IQGAP1: variants seen among roughly 807,000 people sequenced by gnomAD.
IQGAP1 encodes the protein ras GTPase-activating-like protein IQGAP1.
Under a neutral mutation model 215.6 loss-of-function variants are expected in IQGAP1, and 66 were observed. The ratio of observed to expected loss-of-function variants is 0.31; its 90% CI spans 0.25 to 0.38. IQGAP1 has a LOEUF of 0.38. Ranked by LOEUF, IQGAP1 falls within the 10% of genes least tolerant of loss-of-function variation. IQGAP1 has a pLI of 1.00. For missense variants in IQGAP1, 1,712 were observed against 1,997.1 expected (o/e 0.86, Z 2.72); for synonymous variants, 772 against 728.7 (o/e 1.06, Z -0.96).
In IQGAP1 at chr15:90,439,346, A is replaced by C. The variant is rs1965416341; in HGVS notation, c.482A>C (p.Lys161Thr). ...CIHALSLYLFKLGLAPQIQDL... is the reference protein window; with the variant it reads ...CIHALSLYLFTLGLAPQIQDL... Reference sequence around the variant, plus strand: ...GTATCTTCTAGTTTGTACCTGTTCAAGCTAGGCCTGGCCCCTCAGATTCAA... The same window carrying C: ...GTATCTTCTAGTTTGTACCTGTTCACGCTAGGCCTGGCCCCTCAGATTCAA... The change falls in exon 6 of 38, where the codon AAG becomes ACG. Residue 161 changes from lysine to threonine, a missense_variant. Lys to Thr is a moderately conservative substitution (Grantham distance 78). Transcript: ENST00000268182. 1.2e-6 allele frequency: 2 copies of C among 1,613,186 alleles called. No individual in the cohort carries two copies. The highest frequency in any genetic ancestry group is 1.1e-5 in the South Asian group (1 of 91,052).
intron 2 of IQGAP1, among the ~76,000 whole-genome samples, chr15:90,408,388 A>G (rs1397140066): frequency 6.6e-6 from 1 of 152,174 alleles, no homozygotes; most frequent in Non-Finnish European, 1.5e-5. Flanking sequence ...GCAAGAGAGA[A>G]AGAGCAGTGT....
At chr15:90,469,087 AT>A (rs1965870961) in intron 18 of IQGAP1, among the ~76,000 whole-genome samples, 1 of 152,176 alleles carries the variant, frequency 6.6e-6, no homozygotes. Flanking sequence ...GGGAAGTTAC[AT>A]TGTCATTGAT....
At chr15:90,474,863 A>C in intron 23 of IQGAP1, 170 bp downstream of exon 23, 1 of 593,146 alleles carries the variant, frequency 1.7e-6, no homozygotes, top group South Asian at 2.0e-5. Context: ...CCCAGGTTGT[A>C]GTGCGATGTG....
chr15:90,498,853 A>G (rs115627788), intron 37 of IQGAP1, among the ~76,000 whole-genome samples: 3,072 of 142,524 alleles, frequency 0.022, 132 homozygotes, highest in African/African-American at 0.077. Context: ...CTTATTGCCC[A>G]AGCTGCAGTG....
At chr15:90,472,476 C>T (rs796481609) in intron 18 of IQGAP1, among the ~76,000 whole-genome samples, 6 of 152,260 alleles carry the variant, frequency 3.9e-5, no homozygotes, top group African/African-American at 1.4e-4. Flanking sequence ...AGGGGTCCCT[C>T]GGTACGTGGC....
chr15:90,431,053 TTATA>T (rs1438029401), intron 4 of IQGAP1, among the ~76,000 whole-genome samples: 1 of 148,232 alleles, frequency 6.7e-6, no homozygotes, highest in African/African-American at 2.5e-5. Context: ...ATATTATATA[TTATA>T]TATACACAAT....
chr15:90,474,004 A>G, intron 21 of IQGAP1, 37 bp downstream of exon 21: 1 of 1,608,906 alleles, frequency 6.2e-7, no homozygotes, highest in Non-Finnish European at 8.5e-7. Context: ...ATTAGGGGCA[A>G]TTTTGCCATA....
rs531380938 is a variant in IQGAP1, at chr15:90,438,749, G to T, written c.468-583G>T. Among the ~76,000 whole-genome samples the T allele has an allele frequency of 2.0e-5, 3 of 151,382 alleles. No homozygotes were observed. The South Asian group carries it at 6.3e-4, about 32-fold the overall frequency. ...TAACATCTTTTTTTTTTTTGAAACGGAATCTCACACTGTTGCCCAGGCTGG... is the reference window on the plus strand; with the variant it reads ...TAACATCTTTTTTTTTTTTGAAACGTAATCTCACACTGTTGCCCAGGCTGG... On this transcript the variant is annotated intron_variant, in intron 5 of 37. Transcript: ENST00000268182.
At chr15:90,420,423 A>G (rs866568676) in intron 2 of IQGAP1, among the ~76,000 whole-genome samples, 29 of 152,174 alleles carry the variant, frequency 1.9e-4, no homozygotes, top group Admixed American at 3.9e-4. Flanking sequence ...GCCAGTAGAG[A>G]ATTGATGCCG....
At chr15:90,442,444 CG>C (rs1053757152) in intron 8 of IQGAP1, among the ~76,000 whole-genome samples, 1 of 127,470 alleles carries the variant, frequency 7.8e-6, no homozygotes, top group East Asian at 3.6e-4. Flanking sequence ...GACTCCGTCT[CG>C]GGGGGGAAAA....
In IQGAP1 at chr15:90,483,599, G is replaced by T; in HGVS notation, c.3788+6G>T. On this transcript the variant is annotated splice_donor_region_variant and intron_variant, in intron 29 of 37. Transcript: ENST00000268182. ...CAGTCCTACCAGAAATTCAGGTAAG[G>T]GGAAAGGCACAAGTGCTTAAGAGAG... 6.3e-7 allele frequency: 1 copy of T among 1,585,060 alleles called. No individual in the cohort carries two copies. Among genetic ancestry groups the T allele is most frequent in the South Asian group, 1.1e-5 (1 of 90,488 alleles).
At position 90,472,392 on chromosome 15, in the gene IQGAP1, A is replaced by G. The variant is rs74735514; in HGVS notation, c.2179-448A>G. On this transcript the variant is annotated intron_variant, in intron 18 of 37. Transcript: ENST00000268182. Reference sequence around the variant, plus strand: ...AGGCTACTTTTCAAGACCATTTGCAATCTGCCTGGAGAAGCAATTTTCAGT... The same window carrying G: ...AGGCTACTTTTCAAGACCATTTGCAGTCTGCCTGGAGAAGCAATTTTCAGT... Among the ~76,000 whole-genome samples, 562 of 152,280 alleles carry G rather than the reference A, an allele frequency of 3.7e-3. 3 individuals are homozygous for G. Among genetic ancestry groups the G allele is most frequent in the African/African-American group, 0.012 (514 of 41,550 alleles).
At chr15:90,475,777 T>C (rs892632430) in intron 23 of IQGAP1, 1 of 148,088 alleles carries the variant, frequency 6.8e-6, no homozygotes, top group African/African-American at 2.5e-5. Context: ...AAAAAAAAAT[T>C]ATTTAAGACA....
intron 33 of IQGAP1, among the ~76,000 whole-genome samples, chr15:90,487,867 C>T (rs185062100): frequency 2.2e-4 from 33 of 152,208 alleles, no homozygotes; most frequent in Non-Finnish European, 4.7e-4. Flanking sequence ...TTTCCAGCAC[C>T]CATTCTCCCC....
chr15:90,482,048 G>T lies in IQGAP1; in HGVS notation c.3418G>T (p.Ala1140Ser), dbSNP rs1210820061. ...RLDSSIRNMRAVTDKFLSAIV... is the reference protein window; with the variant it reads ...RLDSSIRNMRSVTDKFLSAIV... ...AGACAGCTCCATCAGGAACATGCGG[G>T]CTGTGACAGACAAGTTTCTCTCAGC... The change falls in exon 27 of 38, where the codon GCT (alanine) becomes TCT (serine). Residue 1140 changes from alanine to serine, a missense_variant. Ala to Ser is a moderately conservative substitution (Grantham distance 99). Coordinates refer to ENST00000268182, the MANE Select transcript of IQGAP1 (RefSeq NM_003870.4). 2 of 1,614,226 alleles carry T rather than the reference G, an allele frequency of 1.2e-6. No individual in the cohort carries two copies. Among genetic ancestry groups the T allele is most frequent in the Non-Finnish European group, 1.7e-6 (2 of 1,180,046 alleles).
intron 18 of IQGAP1, among the ~76,000 whole-genome samples, chr15:90,468,006 C>T (rs1965855271): frequency 6.6e-6 from 1 of 151,872 alleles, no homozygotes; most frequent in East Asian, 1.9e-4. Context: ...TTTTCATCTT[C>T]TGTGTCTTTG....
rs562555791 is a variant in IQGAP1, at chr15:90,482,363, T to A, written c.3555+82T>A. On this transcript the variant is annotated intron_variant, in intron 28 of 37. Coordinates refer to ENST00000268182, the MANE Select transcript of IQGAP1 (RefSeq NM_003870.4). ...GGGCTGACCATAGATCATTACTAAC[T>A]GCCTAAGTGTAGGTTCTGGCAGTAG... The A allele has an allele frequency of 1.5e-4, 204 of 1,317,302 alleles. No homozygotes were observed. The African/African-American group carries it at 2.9e-3, about 19-fold the overall frequency. 81.6% of individuals were successfully genotyped at this position (1,317,302 alleles called of 1,614,324 possible).
chr15:90,491,534 G>T lies in IQGAP1; in HGVS notation c.4450G>T (p.Asp1484Tyr). 6.2e-7 allele frequency: 1 copy of T among 1,613,884 alleles called. No individual in the cohort carries two copies. The highest frequency in any genetic ancestry group is 1.1e-5 in the South Asian group (1 of 91,046). Residue 1484 changes from aspartate to tyrosine, a missense_variant, in exon 34 of 38, where the codon GAC (aspartate) becomes TAC (tyrosine). Around this residue, in one of 2 missense-constraint regions of IQGAP1, gnomAD observed 691 missense variants for 923.0 expected, o/e 0.75. Transcript: ENST00000268182. ...GAACAAATACCAGGAACTGATCAAC[G>T]ACATTGCCAGGGTACTGCATTCGGG... is the stretch of plus-strand genomic sequence containing the variant. The part of the protein sequence containing the change: ...PKNKYQELIN[D>Y]IARDIRNQRR...
chr15:90,411,310 A>T (rs1379970817), intron 2 of IQGAP1, among the ~76,000 whole-genome samples: 2 of 150,628 alleles, frequency 1.3e-5, no homozygotes, highest in Admixed American at 6.6e-5. Context: ...ACAGGGTCTC[A>T]CTCTGTTACC....
Sources: allele counts gnomAD v4.1 joint callset (sites outside exome capture counted in the v4.1 genomes callset), GRCh38; gene constraint gnomAD v4.1.1; regional missense constraint gnomAD v4.1.1; transcripts MANE v1.5; gene names NCBI Gene and HGNC (gene_info 2026-07-23, HGNC 2026-07-21).